ROBO2: variants seen among roughly 807,000 people sequenced by gnomAD.
ROBO2 encodes roundabout guidance receptor 2.
Under a neutral mutation model 160.8 loss-of-function variants are expected in ROBO2, and 53 were observed. The ratio of observed to expected loss-of-function variants is 0.33; its 90% CI spans 0.26 to 0.41. The LOEUF is 0.41. ROBO2 is among the 10% of genes least tolerant of loss of function. The pLI, the probability that ROBO2 is intolerant of heterozygous loss-of-function variation, is 1.00. For synonymous variants in ROBO2, 664 were observed against 611.7 expected (o/e 1.09, Z -1.26); for missense variants, 1,577 against 1,722.4 (o/e 0.92, Z 1.49).
chr3:75,944,346 C>T lies in ROBO2; in HGVS notation c.109+6744C>T, dbSNP rs539485562. On this transcript the variant is annotated intron_variant, in intron 2 of 26. Coordinates refer to the ROBO2 transcript ENST00000487694. ...GCACAGATCTTGGCAGAAATTACTG[C>T]TTATTCTTAATTCTTATTGTTCCTT... Among the ~76,000 whole-genome samples, 24 of 152,240 alleles carry T rather than the reference C, an allele frequency of 1.6e-4. No homozygotes were observed. The East Asian group carries it at 4.1e-3, about 26-fold the overall frequency.
intron 5 of ROBO2, among the ~76,000 whole-genome samples, chr3:77,502,686 A>G (rs1267607005): frequency 1.3e-5 from 2 of 152,192 alleles, no homozygotes; most frequent in Admixed American, 6.5e-5. Flanking sequence ...AACAATAAAA[A>G]TAATAGAAAT....
At chr3:76,228,159 T>C (rs1473909097) in intron 2 of ROBO2, among the ~76,000 whole-genome samples, 4 of 152,306 alleles carry the variant, frequency 2.6e-5, no homozygotes, top group Admixed American at 1.3e-4. Context: ...ACCTTGGCAG[T>C]CTACCAAAGG....
At chr3:77,082,545 T>C (rs751833662) in intron 1 of ROBO2, among the ~76,000 whole-genome samples, 3 of 152,078 alleles carry the variant, frequency 2.0e-5, no homozygotes, top group Non-Finnish European at 2.9e-5. Context: ...CATTTCCTGA[T>C]TGTTGATGAA....
chr3:77,278,471 G>A (rs1327106501), intron 2 of ROBO2, among the ~76,000 whole-genome samples: 1 of 152,038 alleles, frequency 6.6e-6, no homozygotes, highest in Non-Finnish European at 1.5e-5. Flanking sequence ...TATGAATTAG[G>A]CTAATTTATG....
intron 2 of ROBO2, among the ~76,000 whole-genome samples, chr3:76,595,047 G>T (rs553532127): frequency 3.9e-5 from 6 of 152,046 alleles, no homozygotes; most frequent in African/African-American, 1.4e-4. Context: ...TGAGACTGGA[G>T]AAAGATGAGG....
intron 2 of ROBO2, among the ~76,000 whole-genome samples, chr3:76,658,777 A>G (rs1191600864): frequency 3.3e-5 from 5 of 152,136 alleles, no homozygotes; most frequent in Non-Finnish European, 7.3e-5. Flanking sequence ...GCTATTGTGA[A>G]TAGTGCTGCA....
intron 2 of ROBO2, among the ~76,000 whole-genome samples, chr3:76,867,943 C>A (rs986787319): frequency 6.6e-6 from 1 of 152,120 alleles, no homozygotes; most frequent in East Asian, 1.9e-4. Flanking sequence ...GTTTCTCAGA[C>A]CCTCCAAGAT....
chr3:76,063,004 A>G (rs747207891), intron 2 of ROBO2, among the ~76,000 whole-genome samples: 1 of 152,204 alleles, frequency 6.6e-6, no homozygotes, highest in Non-Finnish European at 1.5e-5. Context: ...CATAATTTAG[A>G]AATCAATTAC....
At chr3:77,418,890 A>G (rs998004746) in intron 2 of ROBO2, among the ~76,000 whole-genome samples, 6 of 152,126 alleles carry the variant, frequency 3.9e-5, no homozygotes, top group African/African-American at 1.4e-4. Flanking sequence ...ACCTATTCAT[A>G]TGGGCAAAAG....
chr3:75,919,745 T>C (rs1007416624), intron 1 of ROBO2, among the ~76,000 whole-genome samples: 1 of 152,206 alleles, frequency 6.6e-6, no homozygotes, highest in Non-Finnish European at 1.5e-5. Context: ...GGATTTGACT[T>C]CTTCCTGGTT....
intron 2 of ROBO2, among the ~76,000 whole-genome samples, chr3:77,377,252 A>T (rs1202903980): frequency 2.0e-5 from 3 of 152,218 alleles, no homozygotes; most frequent in Admixed American, 2.0e-4. Flanking sequence ...TAAGCAATAA[A>T]AATTATCTTG....
At chr3:76,970,837 T>C (rs1017329965) in intron 2 of ROBO2, among the ~76,000 whole-genome samples, 1 of 152,214 alleles carries the variant, frequency 6.6e-6, no homozygotes, top group Admixed American at 6.5e-5. Flanking sequence ...AATGATTTAA[T>C]TTTTTAATAA....
At chr3:76,324,750 A>G (rs1393720446) in intron 2 of ROBO2, among the ~76,000 whole-genome samples, 1 of 152,222 alleles carries the variant, frequency 6.6e-6, no homozygotes, top group Non-Finnish European at 1.5e-5. Flanking sequence ...CTCTGGAAAA[A>G]AAAGCACTTT....
At chr3:76,359,122 A>C (rs1003796715) in intron 2 of ROBO2, among the ~76,000 whole-genome samples, 5 of 151,890 alleles carry the variant, frequency 3.3e-5, no homozygotes, top group Non-Finnish European at 7.4e-5. Flanking sequence ...TTATGGCTGC[A>C]TAGTATTCCA....
chr3:76,567,236 C>A (rs570236173), intron 2 of ROBO2, among the ~76,000 whole-genome samples: 1 of 152,178 alleles, frequency 6.6e-6, no homozygotes, highest in Non-Finnish European at 1.5e-5. Context: ...CTGAAAATGG[C>A]ATGATTGTGT....
chr3:77,229,875 T>TCCATGAAG (rs2086952532), intron 2 of ROBO2, among the ~76,000 whole-genome samples: 1 of 152,090 alleles, frequency 6.6e-6, no homozygotes. Flanking sequence ...TGAGATTCCC[T>TCCATGAAG]CCATGAAGAA....
intron 2 of ROBO2, among the ~76,000 whole-genome samples, chr3:76,454,686 G>C (rs2077660123): frequency 6.6e-6 from 1 of 152,110 alleles, no homozygotes; most frequent in Non-Finnish European, 1.5e-5. Flanking sequence ...ACAGCATTTA[G>C]CCCGGTGCCT....
chr3:76,142,780 T>G (rs931443701), intron 2 of ROBO2, among the ~76,000 whole-genome samples: 1 of 151,944 alleles, frequency 6.6e-6, no homozygotes, highest in African/African-American at 2.4e-5. Flanking sequence ...AATTCAGTTG[T>G]ACATTTTTAA....
chr3:77,222,508 G>A (rs1209519694), intron 2 of ROBO2, among the ~76,000 whole-genome samples: 1 of 152,028 alleles, frequency 6.6e-6, no homozygotes, highest in Non-Finnish European at 1.5e-5. Context: ...TAAATATAGA[G>A]GAATGTAAGA....
Sources: allele counts gnomAD v4.1 joint callset (sites outside exome capture counted in the v4.1 genomes callset), GRCh38; gene constraint gnomAD v4.1.1; transcripts MANE v1.5; gene names NCBI Gene and HGNC (gene_info 2026-07-23, HGNC 2026-07-21).